The following MASP1 variants were observed in gnomAD, a reference collection of about 807,000 sequenced individuals.
MASP1 encodes the protein MBL associated serine protease 1.
In MASP1, 59 loss-of-function variants were observed where a neutral mutation model predicts 77.1. The observed-to-expected ratio is 0.77, with a 90% CI of 0.62 to 0.95. The LOEUF (loss-of-function observed/expected upper bound fraction) is 0.95, where lower values mean the gene tolerates loss of function less well. MASP1 is among the 40% of genes least tolerant of loss of function. The pLI, the probability that MASP1 is intolerant of heterozygous loss-of-function variation, is 0.00. For synonymous variants in MASP1, 362 were observed against 354.5 expected, an observed-to-expected ratio of 1.02 and a Z score of -0.24; for missense variants, 885 against 912.9, an observed-to-expected ratio of 0.97 and a Z score of 0.39.
chr3:187,232,862 T>C (rs1182700086), downstream of MASP1, among the ~76,000 whole-genome samples: 1 of 152,216 alleles, frequency 6.6e-6, no homozygotes, highest in Admixed American at 6.5e-5. Flanking sequence ...TAAGCTCTTA[T>C]TTTCATTCTC....
intron 2 of MASP1, among the ~76,000 whole-genome samples, chr3:187,270,201 A>T (rs1325039317): frequency 2.6e-5 from 4 of 152,238 alleles, no homozygotes; most frequent in African/African-American, 9.6e-5. Flanking sequence ...GGGACCTTGC[A>T]GCTATTAACA....
At chr3:187,229,348 C>CT (rs1377350772), downstream of MASP1, among the ~76,000 whole-genome samples, 2 of 152,204 alleles carry the variant, frequency 1.3e-5, no homozygotes, top group African/African-American at 4.8e-5. Flanking sequence ...TTTCACCCTC[C>CT]TTTTTATCAT....
intron 2 of MASP1, among the ~76,000 whole-genome samples, chr3:187,272,391 ACT>A (rs1229867310): frequency 6.6e-6 from 1 of 151,894 alleles, no homozygotes; most frequent in Non-Finnish European, 1.5e-5. Context: ...AATTACTTAA[ACT>A]CTCTGTACTG....
At chr3:187,275,781 C>T (rs1482434547) in intron 2 of MASP1, among the ~76,000 whole-genome samples, 1 of 148,338 alleles carries the variant, frequency 6.7e-6, no homozygotes, top group Non-Finnish European at 1.5e-5. Flanking sequence ...CCATTCCCTG[C>T]CCCCACCCCC....
chr3:187,255,168 AAC>A (rs1280002892), intron 5 of MASP1, among the ~76,000 whole-genome samples: 1 of 152,188 alleles, frequency 6.6e-6, no homozygotes, highest in Admixed American at 6.5e-5. Context: ...GAGCCCATTC[AAC>A]ACAGTTTCCT....
chr3:187,290,252 G>A (rs1401689384), intron 1 of MASP1, among the ~76,000 whole-genome samples: 4 of 152,178 alleles, frequency 2.6e-5, no homozygotes, highest in Non-Finnish European at 5.9e-5. Context: ...GAATATGGTG[G>A]TCAGGAGAGA....
At position 187,285,910 on chromosome 3, in the gene MASP1, G is replaced by C. The variant is rs1333834458; in HGVS notation, c.152C>G (p.Thr51Ser). 5 of 1,614,194 alleles carry C rather than the reference G, an allele frequency of 3.1e-6. No homozygotes were observed. The highest frequency in any genetic ancestry group is 4.2e-6 in the Non-Finnish European group (5 of 1,180,008). The change falls in exon 2 of 11, where the codon ACT (threonine) becomes AGT (serine). Residue 51 changes from threonine to serine, a missense_variant. Physicochemically the swap from Thr to Ser is moderately conservative, Grantham distance 58 (BLOSUM62 1). Transcript: ENST00000296280. ...CTTGATCCGAAACCCATCTGGGACA[G>C]TGATATTCCAAGTCACCTCTGAATC... ...PSDSEVTWNITVPDGFRIKLY... is the reference protein window; with the variant it reads ...PSDSEVTWNISVPDGFRIKLY...
At chr3:187,286,414 T>C (rs1373494864) in intron 1 of MASP1, among the ~76,000 whole-genome samples, 1 of 152,254 alleles carries the variant, frequency 6.6e-6, no homozygotes, top group Non-Finnish European at 1.5e-5. Flanking sequence ...CTCTTGATTC[T>C]CTTTTTGAAA....
intron 8 of MASP1, chr3:187,247,335 A>G (rs748466833): frequency 6.2e-7 from 1 of 1,613,750 alleles, no homozygotes; most frequent in South Asian, 1.1e-5. Flanking sequence ...CCCGTCATTC[A>G]CTCTGTCACT....
chr3:187,241,331 C>T (rs988308894), intron 10 of MASP1, 150 bp downstream of exon 10: 34 of 695,644 alleles, frequency 4.9e-5, no homozygotes, highest in East Asian at 5.2e-5. Context: ...CAAGTCTTCT[C>T]TGACCTTTAA....
chr3:187,270,110 T>C (rs1305693845), intron 2 of MASP1, among the ~76,000 whole-genome samples: 3 of 152,218 alleles, frequency 2.0e-5, no homozygotes, highest in Admixed American at 1.3e-4. Context: ...ACTTCACTGC[T>C]CATTGATTGG....
At chr3:187,274,234 T>A (rs191673316) in intron 2 of MASP1, among the ~76,000 whole-genome samples, 146 of 151,926 alleles carry the variant, frequency 9.6e-4, no homozygotes, top group African/African-American at 3.5e-3. Flanking sequence ...AAAATAATGA[T>A]GATGATAATA....
intron 8 of MASP1, among the ~76,000 whole-genome samples, chr3:187,249,957 C>A (rs977163166): frequency 3.9e-5 from 6 of 152,208 alleles, no homozygotes; most frequent in Non-Finnish European, 8.8e-5. Flanking sequence ...TGGTTTTGAA[C>A]CTGGACACGT....
At chr3:187,271,997 A>C (rs147329325) in intron 2 of MASP1, among the ~76,000 whole-genome samples, 77 of 152,270 alleles carry the variant, frequency 5.1e-4, no homozygotes, top group African/African-American at 1.8e-3. Context: ...GAAACTCAGA[A>C]TACCTAAAAC....
At chr3:187,243,250 A>G in intron 9 of MASP1, 1 of 553,308 alleles carries the variant, frequency 1.8e-6, no homozygotes, top group African/African-American at 1.9e-5. Flanking sequence ...TAAAGTTAAA[A>G]ACAAAAAAGC....
intron 2 of MASP1, among the ~76,000 whole-genome samples, chr3:187,275,634 C>T (rs575331105): frequency 2.8e-4 from 42 of 152,250 alleles, no homozygotes; most frequent in African/African-American, 9.6e-4. Context: ...TATTAGAAAC[C>T]AGTTCTATGA....
At chr3:187,229,927 A>G (rs375541205), downstream of MASP1, 3 of 1,613,488 alleles carry the variant, frequency 1.9e-6, no homozygotes, top group Non-Finnish European at 2.5e-6. Flanking sequence ...GGAGAGACAG[A>G]TCAGACTCTG....
At chr3:187,241,397 T>C (rs1299947584) in intron 10 of MASP1, 84 bp downstream of exon 10, 2 of 1,061,802 alleles carry the variant, frequency 1.9e-6, no homozygotes, top group South Asian at 1.3e-5. Context: ...CTGTCCCCCA[T>C]CACCCTGTTA....
chr3:187,247,486 A>G, intron 8 of MASP1: 3 of 1,310,118 alleles, frequency 2.3e-6, no homozygotes, highest in Non-Finnish European at 3.3e-6. Flanking sequence ...AAGCAGAAAC[A>G]GTTTATGCAG....
Sources: allele counts gnomAD v4.1 joint callset (sites outside exome capture counted in the v4.1 genomes callset), GRCh38; gene constraint gnomAD v4.1.1; transcripts MANE v1.5; gene names NCBI Gene and HGNC (gene_info 2026-07-23, HGNC 2026-07-21).